NDUFA5: variants seen among roughly 807,000 people sequenced by gnomAD.
The protein encoded by NDUFA5 is NADH:ubiquinone oxidoreductase subunit A5.
NDUFA5 carries 11 observed loss-of-function variants against 19.8 expected under a neutral mutation model. The ratio of observed to expected loss-of-function variants is 0.56; its 90% CI spans 0.35 to 0.92. The LOEUF is 0.92. NDUFA5 is among the 40% of genes least tolerant of loss of function. NDUFA5 has a pLI of 0.01. For synonymous variants in NDUFA5, 47 were observed against 46.8 expected (o/e 1.00, Z -0.01); for missense variants, 109 against 134.2 (o/e 0.81, Z 0.93).
At chr7:123,593,954 A>T in the NDUFA5 span, among the ~76,000 whole-genome samples, 3 of 151,942 alleles carry the variant, frequency 2.0e-5, no homozygotes, top group Non-Finnish European at 4.4e-5. Flanking sequence ...ATAGTCCCAT[A>T]TTTCTTGGAG....
chr7:123,561,400 A>G (rs1366843974), upstream of NDUFA5, among the ~76,000 whole-genome samples: 1 of 152,236 alleles, frequency 6.6e-6, no homozygotes, highest in Non-Finnish European at 1.5e-5. Context: ...GCAACTCATC[A>G]TCTGATCAAG....
chr7:123,586,563 C>T, the NDUFA5 span, among the ~76,000 whole-genome samples: 7 of 151,586 alleles, frequency 4.6e-5, no homozygotes, highest in South Asian at 2.1e-4. Context: ...ATTTGATTTG[C>T]TTGTACTTGT....
chr7:123,572,833 T>C, the NDUFA5 span, among the ~76,000 whole-genome samples: 1 of 152,128 alleles, frequency 6.6e-6, no homozygotes, highest in African/African-American at 2.4e-5. Context: ...ATTTTCCATC[T>C]TTTAAATTTA....
the NDUFA5 span, among the ~76,000 whole-genome samples, chr7:123,591,479 C>T: frequency 0.29 from 44,713 of 151,906 alleles, 6,711 homozygotes; most frequent in East Asian, 0.4. Context: ...ATTCCATCAA[C>T]ATCTAGTTTA....
chr7:123,597,261 C>T, the NDUFA5 span, among the ~76,000 whole-genome samples: 2 of 152,138 alleles, frequency 1.3e-5, no homozygotes, highest in Non-Finnish European at 1.5e-5. Context: ...CCTATCTGAA[C>T]ATTTAGTGGT....
the NDUFA5 span, among the ~76,000 whole-genome samples, chr7:123,563,743 G>T: frequency 6.6e-6 from 1 of 152,218 alleles, no homozygotes; most frequent in South Asian, 2.1e-4. Flanking sequence ...ATACATATAC[G>T]TGGCTGTTAT....
chr7:123,582,188 C>T, the NDUFA5 span, among the ~76,000 whole-genome samples: 15 of 151,896 alleles, frequency 9.9e-5, no homozygotes, highest in African/African-American at 3.6e-4. Flanking sequence ...GTTCTCAGGC[C>T]CAGACCACTT....
upstream of NDUFA5, among the ~76,000 whole-genome samples, chr7:123,561,183 G>A (rs1798683645): frequency 6.6e-6 from 1 of 152,190 alleles, no homozygotes; most frequent in Non-Finnish European, 1.5e-5. Context: ...CAAAAGATTT[G>A]TCAGTAGCAG....
At chr7:123,590,948 A>C in the NDUFA5 span, among the ~76,000 whole-genome samples, 1 of 152,058 alleles carries the variant, frequency 6.6e-6, no homozygotes, top group African/African-American at 2.4e-5. Flanking sequence ...ATGTTCTTCC[A>C]TTTGTTTGTG....
At chr7:123,573,773 A>G in the NDUFA5 span, among the ~76,000 whole-genome samples, 2 of 152,116 alleles carry the variant, frequency 1.3e-5, no homozygotes, top group African/African-American at 2.4e-5. Flanking sequence ...TTTAGATCTA[A>G]GTCTAAAGAC....
the NDUFA5 span, among the ~76,000 whole-genome samples, chr7:123,586,995 A>G: frequency 2.0e-5 from 3 of 151,574 alleles, no homozygotes; most frequent in African/African-American, 7.3e-5. Context: ...TTTGAATTGT[A>G]TTATAATTTG....
the NDUFA5 span, among the ~76,000 whole-genome samples, chr7:123,573,509 G>C: frequency 6.6e-6 from 1 of 151,930 alleles, no homozygotes; most frequent in African/African-American, 2.4e-5. Flanking sequence ...GAAGCAGCTC[G>C]GCTGGTGTGC....
chr7:123,544,113 T>C (rs999736007), intron 4 of NDUFA5, among the ~76,000 whole-genome samples: 5 of 152,074 alleles, frequency 3.3e-5, no homozygotes, highest in Non-Finnish European at 5.9e-5. Context: ...AATGAAACAA[T>C]TGAATATTTA....
chr7:123,600,511 A>T, the NDUFA5 span, among the ~76,000 whole-genome samples: 18 of 152,330 alleles, frequency 1.2e-4, no homozygotes, highest in African/African-American at 4.3e-4. Flanking sequence ...AGTAAAAAAA[A>T]GTTGTATAAA....
chr7:123,597,917 C>CGT, the NDUFA5 span, among the ~76,000 whole-genome samples: 23,187 of 132,692 alleles, frequency 0.17, 1,953 homozygotes, highest in Non-Finnish European at 0.21. Flanking sequence ...TTTCAAACTT[C>CGT]GTGTGTGTGT....
chr7:123,577,258 A>G, the NDUFA5 span, among the ~76,000 whole-genome samples: 1 of 152,038 alleles, frequency 6.6e-6, no homozygotes, highest in Non-Finnish European at 1.5e-5. Context: ...TTTGCATTTT[A>G]TTACAAAAAT....
Position 123,557,586 on chromosome 7 carries a change from T to C in NDUFA5, c.22-138A>G. On this transcript the variant is annotated intron_variant, in intron 1 of 4. Coordinates refer to ENST00000355749, the MANE Select transcript of NDUFA5 (RefSeq NM_005000.5). ...TACTGGTCTCTCAGTCTCGCTTGTT[T>C]GGAGCTTTTTTCCTGACTCTCGGAG... 3.7e-6 allele frequency: 6 copies of C among 1,613,052 alleles called. No individual in the cohort carries two copies. The South Asian group carries it at 6.6e-5, about 18-fold the overall frequency.
chr7:123,539,303 A>C lies in NDUFA5; in HGVS notation c.*2816T>G, dbSNP rs540910016. Reference sequence around the variant, plus strand: ...CAAAATCATTCCAAGTGGAATGATAAATTATCCTATAGTTATCCTAAATAT... The same window carrying C: ...CAAAATCATTCCAAGTGGAATGATACATTATCCTATAGTTATCCTAAATAT... On this transcript the variant is annotated 3_prime_UTR_variant, in exon 5 of 5. Transcript: ENST00000355749. 6.6e-6 allele frequency: 1 copy of C among 152,316 alleles called. No individual in the cohort carries two copies. Among genetic ancestry groups the C allele is most frequent in the East Asian group, 1.9e-4 (1 of 5,176 alleles). The allele number at this position is 152,316 out of a possible 1,614,324, so 9.4% of individuals were successfully genotyped here. A position where few individuals can be genotyped will look rare whatever the true frequency, so the allele number is the denominator to read the frequency against.
intron 3 of NDUFA5, among the ~76,000 whole-genome samples, chr7:123,546,430 T>C (rs940604086): frequency 5.3e-5 from 8 of 152,202 alleles, no homozygotes; most frequent in Non-Finnish European, 7.3e-5. Context: ...GTCCTTTTTT[T>C]CTACACATTT....
Sources: allele counts gnomAD v4.1 joint callset (sites outside exome capture counted in the v4.1 genomes callset), GRCh38; gene constraint gnomAD v4.1.1; transcripts MANE v1.5; gene names NCBI Gene and HGNC (gene_info 2026-07-23, HGNC 2026-07-21).